Variants in CADM2 observed in about 807,000 individuals in gnomAD.
CADM2 encodes the protein cell adhesion molecule 2.
Under a neutral mutation model 49.8 loss-of-function variants are expected in CADM2, and 12 were observed. That is an observed-to-expected ratio of 0.24 (90% CI 0.15 to 0.39). The LOEUF is 0.39. CADM2 is among the 10% of genes least tolerant of loss of function. The pLI, the probability that CADM2 is intolerant of heterozygous loss-of-function variation, is 1.00. For synonymous variants in CADM2, 214 were observed against 175.4 expected (o/e 1.22, Z -1.74); for missense variants, 378 against 492.3 (o/e 0.77, Z 2.20).
chr3:85,543,420 A>ATGTGTGTGGGGGGGGGTGTGTGTG (rs372108050), intron 1 of CADM2, among the ~76,000 whole-genome samples: 2 of 129,642 alleles, frequency 1.5e-5, no homozygotes, highest in East Asian at 2.7e-4. Context: ...TGCCAAGCTA[A>ATGTGTGTGGGGGGGGGTGTGTGTG]TGTGTGTGTG....
intron 1 of CADM2, among the ~76,000 whole-genome samples, chr3:85,551,127 GT>G (rs960457047): frequency 1.3e-5 from 2 of 152,026 alleles, no homozygotes; most frequent in Non-Finnish European, 2.9e-5. Context: ...GGGACTATAG[GT>G]GTGCACCACC....
intron 1 of CADM2, among the ~76,000 whole-genome samples, chr3:85,072,094 C>T (rs6549013): frequency 2.6e-5 from 4 of 151,404 alleles, no homozygotes; most frequent in Admixed American, 6.6e-5. Context: ...ACTGGGTAAT[C>T]TTCAATTATT....
At chr3:85,783,960 C>A (rs2070811691) in intron 2 of CADM2, among the ~76,000 whole-genome samples, 2 of 152,140 alleles carry the variant, frequency 1.3e-5, no homozygotes, top group Admixed American at 1.3e-4. Context: ...ATGACTTTAA[C>A]AATGGGACTT....
At chr3:85,092,429 T>C (rs867484990) in intron 1 of CADM2, among the ~76,000 whole-genome samples, 16 of 152,222 alleles carry the variant, frequency 1.1e-4, no homozygotes, top group Middle Eastern at 3.4e-3. Context: ...GAAGAAACAA[T>C]CTCTTTTAGA....
At chr3:85,982,481 A>C (rs143194104) in intron 8 of CADM2, among the ~76,000 whole-genome samples, 401 of 151,720 alleles carry the variant, frequency 2.6e-3, no homozygotes, top group African/African-American at 8.3e-3. Context: ...CATATTATCT[A>C]TTTTAAAAGA....
rs1261686431 is a variant in CADM2 at position 86,068,461 on chromosome 3, T to C, written c.*1678T>C. 1.3e-5 allele frequency: 2 copies of C among 151,982 alleles called. No individual in the cohort carries two copies. Among genetic ancestry groups the C allele is most frequent in the African/African-American group, 4.8e-5 (2 of 41,446 alleles). 9.4% of individuals were successfully genotyped at this position (151,982 alleles called of 1,614,324 possible). A position where few individuals can be genotyped will look rare whatever the true frequency, so the allele number is the denominator to read the frequency against. ...GACAGTATGGTAGCTATACTTGTGATGTCTGACGCATGATGGCCTATGGTT... is the reference window on the plus strand; with the variant it reads ...GACAGTATGGTAGCTATACTTGTGACGTCTGACGCATGATGGCCTATGGTT... On this transcript the variant is annotated 3_prime_UTR_variant, in exon 10 of 10. Transcript: ENST00000383699.
chr3:85,436,601 T>G (rs2036942793), intron 1 of CADM2, among the ~76,000 whole-genome samples: 1 of 152,108 alleles, frequency 6.6e-6, no homozygotes, highest in Non-Finnish European at 1.5e-5. Context: ...AAAGTACATA[T>G]TTAAAATAAA....
chr3:85,744,456 C>T (rs1283371905), intron 2 of CADM2, among the ~76,000 whole-genome samples: 1 of 151,714 alleles, frequency 6.6e-6, no homozygotes, highest in African/African-American at 2.4e-5. Context: ...GTATCTGTAT[C>T]AAAATATCTC....
In CADM2 at chr3:85,151,981, AT is replaced by A. The variant is rs371477900; in HGVS notation, c.61+192320del. Among the ~76,000 whole-genome samples the A allele has an allele frequency of 2.8e-3, 433 of 152,220 alleles. 3 individuals are homozygous for A. The highest frequency in any genetic ancestry group is 1.0e-2 in the African/African-American group (415 of 41,538). On this transcript the variant is annotated intron_variant, in intron 1 of 9. Transcript: ENST00000383699. ...ATCACAAACTTTAAGAAAAAAGGTTATTTTTTTATTTCAAATATCAATTGAT... is the reference window on the plus strand; with the variant it reads ...ATCACAAACTTTAAGAAAAAAGGTTATTTTTTATTTCAAATATCAATTGAT...
chr3:85,378,475 T>C (rs2033719228), intron 1 of CADM2, among the ~76,000 whole-genome samples: 3 of 152,072 alleles, frequency 2.0e-5, no homozygotes, highest in Admixed American at 6.6e-5. Flanking sequence ...ATCATTTATG[T>C]GTTTAGTTTC....
chr3:85,729,071 C>T (rs1424344300), intron 2 of CADM2, among the ~76,000 whole-genome samples: 2 of 152,246 alleles, frequency 1.3e-5, no homozygotes, highest in East Asian at 3.9e-4. Context: ...ACTAATTATT[C>T]TCCAATGGCC....
At chr3:85,644,857 G>A (rs778074083) in intron 1 of CADM2, among the ~76,000 whole-genome samples, 1 of 152,024 alleles carries the variant, frequency 6.6e-6, no homozygotes, top group Non-Finnish European at 1.5e-5. Context: ...TTTGTTAAGT[G>A]GTCCAGTTTT....
At chr3:85,014,106 T>C (rs2034136518) in intron 1 of CADM2, among the ~76,000 whole-genome samples, 1 of 147,238 alleles carries the variant, frequency 6.8e-6, no homozygotes, top group Non-Finnish European at 1.5e-5. Flanking sequence ...TTGTATATTA[T>C]ATATACGCAG....
intron 1 of CADM2, among the ~76,000 whole-genome samples, chr3:85,526,012 T>A (rs2061151536): frequency 6.6e-6 from 1 of 152,178 alleles, no homozygotes; most frequent in South Asian, 2.1e-4. Flanking sequence ...CATTATCATT[T>A]TTATTTTAAA....
intron 1 of CADM2, among the ~76,000 whole-genome samples, chr3:85,162,170 C>T (rs1211903956): frequency 4.6e-5 from 7 of 152,022 alleles, no homozygotes; most frequent in Admixed American, 4.6e-4. Flanking sequence ...TGCTTACATT[C>T]GAGGGTGTGG....
chr3:85,995,388 C>G (rs1021266941), intron 8 of CADM2, among the ~76,000 whole-genome samples: 3 of 151,974 alleles, frequency 2.0e-5, no homozygotes, highest in African/African-American at 4.8e-5. Context: ...AACATGAAGT[C>G]ACTCAATGTA....
intron 1 of CADM2, among the ~76,000 whole-genome samples, chr3:85,327,137 A>G (rs1387265761): frequency 1.3e-5 from 2 of 152,042 alleles, no homozygotes; most frequent in Non-Finnish European, 2.9e-5. Context: ...GACATGGCTG[A>G]GAATTCTATC....
intron 1 of CADM2, among the ~76,000 whole-genome samples, chr3:85,544,450 G>A (rs1333866218): frequency 6.6e-6 from 1 of 152,138 alleles, no homozygotes; most frequent in Admixed American, 6.6e-5. Flanking sequence ...TGTGGCGGAC[G>A]CCTGTAGTCC....
intron 1 of CADM2, among the ~76,000 whole-genome samples, chr3:85,142,369 A>G (rs2039603221): frequency 6.6e-6 from 1 of 152,154 alleles, no homozygotes; most frequent in Admixed American, 6.6e-5. Context: ...ATAGAATTTT[A>G]AAAATGTTCA....
Sources: gnomAD v4.1 joint callset for allele counts (sites outside exome capture counted in the v4.1 genomes callset) on GRCh38, gnomAD v4.1.1 for gene constraint, MANE v1.5 for transcripts, NCBI Gene and HGNC (gene_info 2026-07-23, HGNC 2026-07-21) for gene names.